RAD54B: variants seen among roughly 807,000 people sequenced by gnomAD.
RAD54B encodes RAD54 homolog B, also known as DNA repair and recombination protein RAD54B.
RAD54B carries 78 observed loss-of-function variants against 95.8 expected under a neutral mutation model. The ratio of observed to expected loss-of-function variants is 0.81; its 90% CI spans 0.68 to 0.98. The LOEUF is 0.98. Ranked by LOEUF, RAD54B falls within the 50% of genes least tolerant of loss-of-function variation. The pLI is 0.00. For missense variants in RAD54B, 957 were observed against 1,056.6 expected (o/e 0.91, Z 1.31); for synonymous variants, 328 against 354.9 (o/e 0.92, Z 0.85).
At chr8:94,450,125 G>T (rs1035811737) in intron 3 of RAD54B, among the ~76,000 whole-genome samples, 1 of 152,160 alleles carries the variant, frequency 6.6e-6, no homozygotes, top group Non-Finnish European at 1.5e-5. Flanking sequence ...TCAATTGTCT[G>T]TGGAGAATTT....
intron 6 of RAD54B, among the ~76,000 whole-genome samples, chr8:94,403,738 C>G (rs1360189152): frequency 6.6e-6 from 1 of 151,736 alleles, no homozygotes; most frequent in African/African-American, 2.4e-5. Context: ...CTCTTATGAC[C>G]CTTTACCACA....
At chr8:94,372,526 C>T in intron 14 of RAD54B, 139 bp from the exon 15 acceptor site, 1 of 1,410,414 alleles carries the variant, frequency 7.1e-7, no homozygotes, top group East Asian at 2.5e-5. Context: ...CAAATTCATT[C>T]TTTTTACAAA....
chr8:94,460,225 C>T (rs890856512), intron 2 of RAD54B, among the ~76,000 whole-genome samples: 3 of 151,718 alleles, frequency 2.0e-5, no homozygotes, highest in African/African-American at 7.3e-5. Flanking sequence ...AATCCCAGCA[C>T]TTTGGGAGGC....
Position 94,399,573 on chromosome 8 carries a change from TAAG to T in RAD54B, c.1216_1218del (p.Leu406del). ...CGAAGTAACATTTCATAACTGATAA[TAAG>T]AACAGAATAAAATATAGACTTGATG... is the stretch of plus-strand genomic sequence containing the variant. On this transcript the variant is annotated inframe_deletion, in exon 8 of 15. Coordinates refer to ENST00000336148, the MANE Select transcript of RAD54B (RefSeq NM_012415.3). 6.2e-7 allele frequency: 1 copy of T among 1,612,594 alleles called. No homozygotes were observed. The highest frequency in any genetic ancestry group is 8.5e-7 in the Non-Finnish European group (1 of 1,179,302).
In RAD54B at chr8:94,377,554, A is replaced by G. The variant is rs1338449423; in HGVS notation, c.2515+626T>C. ...GCCAGACCCTGTCTTGGAAAAAAAA[A>G]AAAAAAAAAAAAAAAAAAAAAAAAA... On this transcript the variant is annotated intron_variant, in intron 14 of 14. Transcript: ENST00000336148. 3.0e-4 allele frequency among the ~76,000 whole-genome samples: 22 copies of G among 73,764 alleles called. 1 individual carries two copies. Among genetic ancestry groups the G allele is most frequent in the African/African-American group, 7.1e-4 (21 of 29,652 alleles). 48.4% of individuals were successfully genotyped at this position (73,764 alleles called of 152,430 possible).
At chr8:94,414,111 C>G (rs1291779101) in intron 3 of RAD54B, among the ~76,000 whole-genome samples, 2 of 152,134 alleles carry the variant, frequency 1.3e-5, no homozygotes, top group Non-Finnish European at 2.9e-5. Context: ...GCTAGGATTA[C>G]AGGCGTGAGC....
In RAD54B at chr8:94,404,062, G is replaced by T; in HGVS notation, c.944+15C>A. 1 of 1,558,156 alleles carries T rather than the reference G, an allele frequency of 6.4e-7. No individual in the cohort carries two copies. The highest frequency in any genetic ancestry group is 1.2e-5 in the South Asian group (1 of 83,740). ...AAAATTCAGATTAGATTAAACAAAT[G>T]ATTTATTTTCCTACCTCATTCCCAT... On this transcript the variant is annotated intron_variant, in intron 6 of 14. Transcript: ENST00000336148.
At chr8:94,408,770 G>A (rs950848882) in intron 4 of RAD54B, among the ~76,000 whole-genome samples, 3 of 152,066 alleles carry the variant, frequency 2.0e-5, no homozygotes, top group African/African-American at 7.2e-5. Context: ...AATTAATGAA[G>A]ATTATAGTTT....
intron 3 of RAD54B, among the ~76,000 whole-genome samples, 176 bp downstream of exon 3, chr8:94,458,092 T>C (rs1198341469): frequency 6.6e-6 from 1 of 152,224 alleles, no homozygotes; most frequent in Non-Finnish European, 1.5e-5. Context: ...ATCACACAGT[T>C]ATTAATCCAA....
At chr8:94,374,255 G>T (rs1810513554) in intron 14 of RAD54B, among the ~76,000 whole-genome samples, 1 of 151,694 alleles carries the variant, frequency 6.6e-6, no homozygotes, top group Non-Finnish European at 1.5e-5. Flanking sequence ...CACTAGCCTG[G>T]GTGACAGAGC....
intron 3 of RAD54B, chr8:94,428,280 T>TA: frequency 1.0e-6 from 1 of 976,050 alleles, no homozygotes; most frequent in Non-Finnish European, 1.2e-6. Context: ...CTCCCAGCAT[T>TA]ACATTTTGTA....
At chr8:94,436,946 G>A in intron 3 of RAD54B, 1 of 1,450,594 alleles carries the variant, frequency 6.9e-7, no homozygotes, top group Non-Finnish European at 9.1e-7. Context: ...TTCACAAACA[G>A]AAAAAGATCA....
chr8:94,387,277 G>A (rs998488494), intron 10 of RAD54B, 118 bp from the exon 11 acceptor site: 1 of 802,122 alleles, frequency 1.2e-6, no homozygotes, highest in African/African-American at 1.8e-5. Flanking sequence ...AAAAGTCCAA[G>A]AAACTGTTAG....
intron 4 of RAD54B, among the ~76,000 whole-genome samples, 163 bp downstream of exon 4, chr8:94,410,958 C>T (rs528694736): frequency 6.6e-6 from 1 of 152,000 alleles, no homozygotes; most frequent in Non-Finnish European, 1.5e-5. Flanking sequence ...GGCTCACTAA[C>T]CATTATGAGA....
intron 11 of RAD54B, among the ~76,000 whole-genome samples, chr8:94,386,022 T>G (rs1475280722): frequency 1.3e-5 from 2 of 152,164 alleles, no homozygotes; most frequent in African/African-American, 4.8e-5. Flanking sequence ...AATGATTTTT[T>G]AAGAAAAGGA....
intron 3 of RAD54B, among the ~76,000 whole-genome samples, chr8:94,442,999 T>A (rs1812438562): frequency 6.6e-6 from 1 of 152,134 alleles, no homozygotes; most frequent in African/African-American, 2.4e-5. Flanking sequence ...AGGATACATA[T>A]CCCCTAAAAC....
At chr8:94,425,843 A>G (rs1661060037) in intron 3 of RAD54B, among the ~76,000 whole-genome samples, 1 of 152,104 alleles carries the variant, frequency 6.6e-6, no homozygotes, top group African/African-American at 2.4e-5. Context: ...GTAAACTACA[A>G]TATTCCCAGA....
At chr8:94,469,796 C>CA (rs1813123090) in intron 1 of RAD54B, among the ~76,000 whole-genome samples, 1 of 152,144 alleles carries the variant, frequency 6.6e-6, no homozygotes, top group African/African-American at 2.4e-5. Flanking sequence ...TGAAATCTGG[C>CA]AATTTAAAAG....
intron 1 of RAD54B, among the ~76,000 whole-genome samples, chr8:94,471,272 G>T (rs1017601388): frequency 6.7e-6 from 1 of 149,276 alleles, no homozygotes; most frequent in Non-Finnish European, 1.5e-5. Flanking sequence ...GGGTGGCGGG[G>T]GGGGGCAGTA....
Sources: gnomAD v4.1 joint callset for allele counts (sites outside exome capture counted in the v4.1 genomes callset) on GRCh38, gnomAD v4.1.1 for gene constraint, MANE v1.5 for transcripts, NCBI Gene and HGNC (gene_info 2026-07-23, HGNC 2026-07-21) for gene names.